The following C3orf62 variants were observed in gnomAD, a reference collection of about 807,000 sequenced individuals.
C3orf62 encodes the protein uncharacterized protein C3orf62.
In C3orf62, 16 loss-of-function variants were observed where a neutral mutation model predicts 21.7. The observed-to-expected ratio is 0.74, with a 90% CI of 0.50 to 1.12. The LOEUF (loss-of-function observed/expected upper bound fraction) is 1.12, where lower values mean the gene tolerates loss of function less well. C3orf62 is among the 50% of genes most tolerant of loss of function. The pLI is 0.00. For missense variants in C3orf62, 310 were observed against 318.8 expected (o/e 0.97, Z 0.21); for synonymous variants, 114 against 117.0 (o/e 0.97, Z 0.17).
intron 1 of C3orf62, chr3:49,274,348 C>T (rs1302234897): frequency 2.4e-5 from 13 of 530,960 alleles, no homozygotes; most frequent in East Asian, 3.3e-5. Flanking sequence ...TCACGAGCAT[C>T]GCAGACTGTA....
intron 1 of C3orf62, among the ~76,000 whole-genome samples, chr3:49,275,397 C>T (rs1559459950): frequency 6.6e-6 from 1 of 151,446 alleles, no homozygotes; most frequent in East Asian, 2.0e-4. Context: ...GCCTGCACTG[C>T]TTATGAGTAC....
At chr3:49,271,627 T>C (rs1388821439) in intron 2 of C3orf62, among the ~76,000 whole-genome samples, 182 bp from the exon 3 acceptor site, 6 of 152,116 alleles carry the variant, frequency 3.9e-5, no homozygotes, top group Non-Finnish European at 8.8e-5. Context: ...GTACCTTCCT[T>C]TCAGGCCCAA....
intron 2 of C3orf62, among the ~76,000 whole-genome samples, chr3:49,271,910 C>CA (rs10706165): frequency 6.0e-4 from 64 of 106,862 alleles, no homozygotes; most frequent in Admixed American, 9.0e-4. Context: ...GGCCCTGTCT[C>CA]AAAAAAAAAA....
chr3:49,276,485 C>T lies in C3orf62; in HGVS notation c.388G>A (p.Glu130Lys). Residue 130 changes from glutamate (E) to lysine (K), a missense_variant, in exon 1 of 3, where the codon GAA (glutamate) becomes AAA (lysine). Coordinates refer to ENST00000343010, the MANE Select transcript of C3orf62 (RefSeq NM_198562.3). ...CCTGCAGTTCTCCAAGACTCTCTTT[C>T]AGGTGCCAAAATGGAGGAATGCATC... is the stretch of plus-strand genomic sequence containing the variant. ...VLMHSSILAP[E>K]RESWRTAGEG... The T allele has an allele frequency of 6.2e-7, 1 of 1,614,216 alleles. No homozygotes were observed. Among genetic ancestry groups the T allele is most frequent in the Non-Finnish European group, 8.5e-7 (1 of 1,180,016 alleles).
chr3:49,275,533 T>G (rs920938133), intron 1 of C3orf62, among the ~76,000 whole-genome samples: 5 of 121,904 alleles, frequency 4.1e-5, no homozygotes, highest in African/African-American at 1.3e-4. Context: ...TTTTTTTTTT[T>G]TTTTTTTTTT....
rs770044127 is a variant in C3orf62, at chr3:49,276,687, C to A, written c.186G>T (p.Arg62Ser). 6.2e-7 allele frequency: 1 copy of A among 1,614,180 alleles called. No individual in the cohort carries two copies. The highest frequency in any genetic ancestry group is 1.3e-5 in the African/African-American group (1 of 75,040). The change falls in exon 1 of 3, where the codon AGG becomes AGT. Residue 62 changes from arginine to serine, a missense_variant. Coordinates refer to ENST00000343010, the MANE Select transcript of C3orf62 (RefSeq NM_198562.3). Reference sequence around the variant, plus strand: ...CCAGAGGATGTCTTCTGCAGAGGAGCCTGTGCACGGGCAGCGAGAAGGAGA... The same window carrying A: ...CCAGAGGATGTCTTCTGCAGAGGAGACTGTGCACGGGCAGCGAGAAGGAGA... The part of the protein sequence containing the change: ...APLSFSLPVH[R>S]LLCRRHPLAA...
chr3:49,272,419 G>T (rs1052431148), intron 2 of C3orf62, among the ~76,000 whole-genome samples: 2 of 149,572 alleles, frequency 1.3e-5, no homozygotes, highest in Non-Finnish European at 2.9e-5. Context: ...ATTCAGATTT[G>T]TATGTAGAAA....
Position 49,271,045 on chromosome 3 carries a change from A to T in C3orf62, c.*135T>A. ...CAGCTTAAAAAGGGACACAACTGGG[A>T]TTTAAAAAGGGTCTGGTAATTCAGG... On this transcript the variant is annotated 3_prime_UTR_variant, in exon 3 of 3. Transcript: ENST00000343010. 4 of 842,474 alleles carry T rather than the reference A, an allele frequency of 4.7e-6. No individual in the cohort carries two copies. The South Asian group carries it at 5.3e-5, about 11-fold the overall frequency. The allele number at this position is 842,474 out of a possible 1,614,324, so 52.2% of individuals were successfully genotyped here.
At position 49,271,413 on chromosome 3, in the gene C3orf62, C is replaced by G. The variant is rs747905227; in HGVS notation, c.571G>C (p.Ala191Pro). The stretch of plus-strand genomic sequence containing the variant: ...TCGTTTTCAAATTCTATTTTTCCAG[C>G]CAATTCTTCAATAGTTCGGATGCTT... ...HTSIRTIEEL[A>P]GKIEFENELN... Residue 191 changes from alanine (A) to proline (P), a missense_variant, in exon 3 of 3, where the codon GCT (alanine) becomes CCT (proline). Transcript: ENST00000343010. The G allele has an allele frequency of 6.2e-7, 1 of 1,614,128 alleles. No individual in the cohort carries two copies.
chr3:49,269,483 A>T lies in C3orf62; in HGVS notation c.*1697T>A, dbSNP rs1369836815. 6.6e-6 allele frequency: 1 copy of T among 152,214 alleles called. No individual in the cohort carries two copies. Among genetic ancestry groups the T allele is most frequent in the Non-Finnish European group, 1.5e-5 (1 of 68,044 alleles). The allele number at this position is 152,214 out of a possible 1,614,324, so 9.4% of individuals were successfully genotyped here. ...AGTAGCCTGACATCTCTCCATCCAG[A>T]CAGGCTATTCTTCACCTGAGCAGGG... On this transcript the variant is annotated 3_prime_UTR_variant, in exon 3 of 3. Transcript: ENST00000343010.
chr3:49,274,971 A>G (rs1027014421), intron 1 of C3orf62, among the ~76,000 whole-genome samples: 10 of 148,130 alleles, frequency 6.8e-5, no homozygotes, highest in African/African-American at 2.5e-4. Context: ...AGGCGGCCGC[A>G]ACGGCACCCA....
Position 49,276,468 on chromosome 3 carries a change from T to C in C3orf62, c.405A>G (p.Arg135=), listed in dbSNP as rs1175623304. 1 of 1,613,474 alleles carries C rather than the reference T, an allele frequency of 6.2e-7. No homozygotes were observed. The highest frequency in any genetic ancestry group is 1.3e-5 in the African/African-American group (1 of 74,896). ...SILAPERESW[R]TAGEGENWRK... is the part of the protein sequence containing the mutation. ...TCCAGTTTTCCCCCTCTCCTGCAGT[T>C]CTCCAAGACTCTCTTTCAGGTGCCA... The change falls in exon 1 of 3, where the codon AGA becomes AGG. Residue 135 remains arginine, a synonymous_variant. Transcript: ENST00000343010.
At chr3:49,272,939 A>G (rs545523958) in intron 2 of C3orf62, among the ~76,000 whole-genome samples, 2 of 152,210 alleles carry the variant, frequency 1.3e-5, no homozygotes, top group African/African-American at 4.8e-5. Context: ...TTTAAGCTCA[A>G]TCACCATGTC....
Position 49,276,526 on chromosome 3 carries a change from C to CATCAATACA in C3orf62, c.346_347insTGTATTGAT (p.Ser116delinsMetTyrTer). On this transcript the variant is annotated stop_gained and protein_altering_variant, in exon 1 of 3. Transcript: ENST00000343010. LOFTEE classifies it high-confidence loss of function. ...GGAATGCATCAATACATTTTCCTTGCTGGTTAGAGGTTTTCTCTCGGGGCA... is the reference window on the plus strand; with the variant it reads ...GGAATGCATCAATACATTTTCCTTGCATCAATACATGGTTAGAGGTTTTCTCTCGGGGCA... The CATCAATACA allele has an allele frequency of 1.9e-6, 3 of 1,614,202 alleles. No homozygotes were observed. Among genetic ancestry groups the CATCAATACA allele is most frequent in the Non-Finnish European group, 2.5e-6 (3 of 1,180,048 alleles).
chr3:49,276,752 A>G lies in C3orf62; in HGVS notation c.121T>C (p.Cys41Arg). The G allele has an allele frequency of 6.2e-7, 1 of 1,614,034 alleles. No individual in the cohort carries two copies. The highest frequency in any genetic ancestry group is 1.1e-5 in the South Asian group (1 of 91,086). ...AFEGVSYSQECTGQQRLELSA... is the reference protein window; with the variant it reads ...AFEGVSYSQERTGQQRLELSA... Reference sequence around the variant, plus strand: ...AGTTCCAGCCTCTGCTGGCCTGTGCACTCCTGGGAATAACTAACTCCTTCA... The same window carrying G: ...AGTTCCAGCCTCTGCTGGCCTGTGCGCTCCTGGGAATAACTAACTCCTTCA... Residue 41 changes from cysteine to arginine, a missense_variant, in exon 1 of 3, where the codon TGC becomes CGC. Cys to Arg is a radical substitution (Grantham distance 180). Coordinates refer to ENST00000343010, the MANE Select transcript of C3orf62 (RefSeq NM_198562.3).
chr3:49,277,116 C>T lies in C3orf62; in HGVS notation c.-244G>A, dbSNP rs1459144196. On this transcript the variant is annotated 5_prime_UTR_variant, in exon 1 of 3. Coordinates refer to ENST00000343010, the MANE Select transcript of C3orf62 (RefSeq NM_198562.3). ...CCCGCCGCTGCCTCCCGCCCCACCG[C>T]GGCTCCCAGGCCGCTGGCCCTACCG... 6.8e-7 allele frequency: 1 copy of T among 1,473,796 alleles called. No homozygotes were observed. Among genetic ancestry groups the T allele is most frequent in the East Asian group, 2.7e-5 (1 of 36,442 alleles). 91.3% of individuals were successfully genotyped at this position (1,473,796 alleles called of 1,614,324 possible).
chr3:49,271,437 T>C lies in C3orf62; in HGVS notation c.547A>G (p.Ser183Gly), dbSNP rs767104101. ...KDLLDMIDHT[S>G]IRTIEELAGK... ...GCCAATTCTTCAATAGTTCGGATGC[T>C]TGTATGGTCTTAAAAATAAGAACAT... Residue 183 changes from serine (S) to glycine (G), a missense_variant, in exon 3 of 3, where the codon AGC (serine) becomes GGC (glycine). Coordinates refer to ENST00000343010, the MANE Select transcript of C3orf62 (RefSeq NM_198562.3). 5.6e-6 allele frequency: 9 copies of C among 1,610,978 alleles called. No individual in the cohort carries two copies. Among genetic ancestry groups the C allele is most frequent in the Non-Finnish European group, 7.6e-6 (9 of 1,177,916 alleles).
rs929726150 is a variant in C3orf62, at chr3:49,276,917, A to C, written c.-45T>G. The C allele has an allele frequency of 3.6e-5, 56 of 1,568,080 alleles. No homozygotes were observed. The highest frequency in any genetic ancestry group is 4.7e-5 in the Non-Finnish European group (54 of 1,157,504). On this transcript the variant is annotated 5_prime_UTR_variant, in exon 1 of 3. Coordinates refer to ENST00000343010, the MANE Select transcript of C3orf62 (RefSeq NM_198562.3). Reference sequence around the variant, plus strand: ...ACAATAATGTTACAAATGAGGCTGCAAACTACCCCTGAATGGCCACGATTT... The same window carrying C: ...ACAATAATGTTACAAATGAGGCTGCCAACTACCCCTGAATGGCCACGATTT...
At position 49,270,492 on chromosome 3, in the gene C3orf62, C is replaced by CTGGAACTACAGGCACGAACCA. The variant is rs1463301809; in HGVS notation, c.*667_*687dup. The CTGGAACTACAGGCACGAACCA allele has an allele frequency of 6.6e-6, 1 of 152,094 alleles. No individual in the cohort carries two copies. Among genetic ancestry groups the CTGGAACTACAGGCACGAACCA allele is most frequent in the Non-Finnish European group, 1.5e-5 (1 of 68,144 alleles). The allele number at this position is 152,094 out of a possible 1,614,324, so 9.4% of individuals were successfully genotyped here. ...TTCGCCTCAGTCCCTACCCAAGTAG[C>CTGGAACTACAGGCACGAACCA]TGGAACTACAGGCACGAACCACCAT... On this transcript the variant is annotated 3_prime_UTR_variant, in exon 3 of 3. Coordinates refer to ENST00000343010, the MANE Select transcript of C3orf62 (RefSeq NM_198562.3).
Sources: allele counts gnomAD v4.1 joint callset (sites outside exome capture counted in the v4.1 genomes callset), GRCh38; gene constraint gnomAD v4.1.1; transcripts MANE v1.5; gene names NCBI Gene and HGNC (gene_info 2026-07-23, HGNC 2026-07-21).